GNL3L: variants seen among roughly 807,000 people sequenced by gnomAD.
GNL3L encodes the protein guanine nucleotide-binding protein-like 3-like protein.
In GNL3L, 4 loss-of-function variants were observed where a neutral mutation model predicts 42.9. That is an observed-to-expected ratio of 0.09 (90% CI 0.05 to 0.21). The LOEUF (loss-of-function observed/expected upper bound fraction) is 0.21, where lower values mean the gene tolerates loss of function less well. Ranked by LOEUF, GNL3L falls within the 10% of genes least tolerant of loss-of-function variation. The pLI, the probability that GNL3L is intolerant of heterozygous loss-of-function variation, is 1.00. For synonymous variants in GNL3L, 159 were observed against 176.3 expected (o/e 0.90, Z 0.78); for missense variants, 412 against 481.7 (o/e 0.86, Z 1.36).
At position 54,560,911 on chromosome X, in the gene GNL3L, G is replaced by A. The variant is rs1320715655; in HGVS notation, c.*309G>A. 1 of 145,715 alleles carries A rather than the reference G, an allele frequency of 6.9e-6. No individual in the cohort carries two copies. Among genetic ancestry groups the A allele is most frequent in the Non-Finnish European group, 1.3e-5 (1 of 74,802 alleles). 12.0% of individuals were successfully genotyped at this position (145,715 alleles called of 1,213,427 possible). A position where few individuals can be genotyped will look rare whatever the true frequency, so the allele number is the denominator to read the frequency against. On this transcript the variant is annotated 3_prime_UTR_variant, in exon 16 of 16. Transcript: ENST00000360845. ...CAAAAAAATTTAGCCGTGCTTAGTG[G>A]CACCTATAATCCCAGCTACTTGGGA... is the stretch of plus-strand genomic sequence containing the variant.
chrX:54,545,373 GT>G lies in GNL3L; in HGVS notation c.630+1059del, dbSNP rs201304612. Reference sequence around the variant, plus strand: ...AGCCAGGATTGTGGCTAAGTTTTGTGTTTTTTTTTTTTAGTAGAGATAGGGT... The same window carrying G: ...AGCCAGGATTGTGGCTAAGTTTTGTGTTTTTTTTTTTAGTAGAGATAGGGT... On this transcript the variant is annotated intron_variant, in intron 8 of 15. Transcript: ENST00000360845. Among the ~76,000 whole-genome samples, 305 of 98,201 alleles carry G rather than the reference GT, an allele frequency of 3.1e-3. 1 individual carries two copies. Among genetic ancestry groups the G allele is most frequent in the African/African-American group, 9.3e-3 (258 of 27,657 alleles). 85.3% of individuals were successfully genotyped at this position (98,201 alleles called of 115,157 possible). A position where few individuals can be genotyped will look rare whatever the true frequency, so the allele number is the denominator to read the frequency against.
At position 54,603,639 on chromosome X, in the gene GNL3L, C is replaced by T. The variant is rs181771065; in HGVS notation, c.*46-17206C>T. Among the ~76,000 whole-genome samples the T allele has an allele frequency of 2.5e-3, 273 of 111,358 alleles. 1 individual carries two copies. Among genetic ancestry groups the T allele is most frequent in the Middle Eastern group, 0.019 (4 of 215 alleles). On this transcript the variant is annotated intron_variant, in intron 16 of 16. Coordinates refer to the GNL3L transcript ENST00000674498. Reference sequence around the variant, plus strand: ...GGTACAACATCACTTTCATAGTATTCCTGCCAAACATGCTTAACCTGCATC... The same window carrying T: ...GGTACAACATCACTTTCATAGTATTTCTGCCAAACATGCTTAACCTGCATC...
At chrX:54,600,266 G>T (rs1925989579) in intron 16 of GNL3L, among the ~76,000 whole-genome samples, 2 of 73,962 alleles carry the variant, frequency 2.7e-5, no homozygotes, top group Non-Finnish European at 4.8e-5. Context: ...TGCCCTTGTT[G>T]CCCAGGCTGG....
intron 16 of GNL3L, among the ~76,000 whole-genome samples, chrX:54,601,073 G>A (rs1247129009): frequency 2.7e-5 from 3 of 111,792 alleles, no homozygotes; most frequent in African/African-American, 9.8e-5. Context: ...GATACATTAA[G>A]CTAAGTGAAA....
downstream of GNL3L, among the ~76,000 whole-genome samples, chrX:54,622,128 G>T (rs1926293276): frequency 9.1e-6 from 1 of 110,187 alleles, no homozygotes; most frequent in Non-Finnish European, 1.9e-5. Flanking sequence ...GTAGTGATTT[G>T]GTTTGGATTT....
At chrX:54,600,478 A>G (rs1252560252) in intron 16 of GNL3L, among the ~76,000 whole-genome samples, 2 of 109,339 alleles carry the variant, frequency 1.8e-5, no homozygotes, top group African/African-American at 6.6e-5. Context: ...TGCCTGCCTC[A>G]GCCTCCCAGA....
chrX:54,621,737 T>C (rs993191052), downstream of GNL3L, among the ~76,000 whole-genome samples: 15 of 109,868 alleles, frequency 1.4e-4, no homozygotes, highest in African/African-American at 5.0e-4. Flanking sequence ...ACCCAGGAGG[T>C]TGAGGCTGCA....
chrX:54,616,264 T>A (rs1157968421), intron 16 of GNL3L, among the ~76,000 whole-genome samples: 2 of 113,410 alleles, frequency 1.8e-5, no homozygotes, highest in African/African-American at 6.4e-5. Flanking sequence ...AAATATTTGT[T>A]CAGCATTTAT....
In GNL3L at chrX:54,587,349, A is replaced by G. The variant is rs760330671; in HGVS notation, c.*45+26702A>G. 1.3e-4 allele frequency among the ~76,000 whole-genome samples: 15 copies of G among 112,665 alleles called. No individual in the cohort carries two copies. In the East Asian group the frequency reaches 3.9e-3, roughly 29 times the overall value. On this transcript the variant is annotated intron_variant, in intron 16 of 16. Transcript: ENST00000674498. The stretch of plus-strand genomic sequence containing the variant: ...ATCTGTCCAATGCTAAGAATATGGC[A>G]TTGAATTTTCCTCCTATTTATTGTG...
At chrX:54,586,478 C>T (rs990162510) in intron 16 of GNL3L, among the ~76,000 whole-genome samples, 3 of 112,112 alleles carry the variant, frequency 2.7e-5, no homozygotes, top group Admixed American at 9.4e-5. Context: ...AGCAATCCTG[C>T]ACCCACTGCA....
chrX:54,580,296 G>A (rs1256074357), intron 16 of GNL3L, among the ~76,000 whole-genome samples: 2 of 107,336 alleles, frequency 1.9e-5, no homozygotes, highest in African/African-American at 3.4e-5. Context: ...ATGATTTCCA[G>A]TTTCATCCAT....
intron 16 of GNL3L, among the ~76,000 whole-genome samples, chrX:54,607,164 TC>T (rs1300165932): frequency 1.0e-5 from 1 of 96,703 alleles, no homozygotes; most frequent in East Asian, 3.2e-4. Context: ...TCTCTTTCTT[TC>T]TTTTTGTATA....
At chrX:54,553,112 A>C (rs148583443) in intron 13 of GNL3L, among the ~76,000 whole-genome samples, 50 of 112,553 alleles carry the variant, frequency 4.4e-4, no homozygotes, top group African/African-American at 1.4e-3. Flanking sequence ...TTAATAATGT[A>C]AAAGACATTT....
chrX:54,567,320 A>G (rs1186090114), downstream of GNL3L, among the ~76,000 whole-genome samples: 1 of 102,873 alleles, frequency 9.7e-6, no homozygotes, highest in Non-Finnish European at 2.0e-5. Flanking sequence ...TTTTTGTCTT[A>G]TTGTAGTCGC....
chrX:54,605,200 G>A (rs1926045479), intron 16 of GNL3L, among the ~76,000 whole-genome samples: 1 of 111,814 alleles, frequency 8.9e-6, no homozygotes, highest in Non-Finnish European at 1.9e-5. Context: ...ATTTCCATTT[G>A]CATACATAAA....
At chrX:54,535,211 T>C (rs1264018467) in intron 2 of GNL3L, among the ~76,000 whole-genome samples, 4 of 111,499 alleles carry the variant, frequency 3.6e-5, no homozygotes, top group African/African-American at 9.8e-5. Flanking sequence ...CTCCGCCTCC[T>C]GGGTTCAAGC....
rs771537320 is a variant in GNL3L, at chrX:54,563,481, C to G, written c.*2879C>G. ...TCAAACAGAACTAAAGTAGTCATGTCGGTAAGAATTTGGGACTGCAGGCCA... is the reference window on the plus strand; with the variant it reads ...TCAAACAGAACTAAAGTAGTCATGTGGGTAAGAATTTGGGACTGCAGGCCA... On this transcript the variant is annotated 3_prime_UTR_variant, in exon 16 of 16. Transcript: ENST00000360845. 9.0e-6 allele frequency among the ~76,000 whole-genome samples: 1 copy of G among 111,414 alleles called. No individual in the cohort carries two copies.
intron 2 of GNL3L, among the ~76,000 whole-genome samples, chrX:54,536,864 G>A (rs916725585): frequency 2.8e-5 from 3 of 108,823 alleles, no homozygotes; most frequent in African/African-American, 6.7e-5. Context: ...GGAAAGAAAG[G>A]AAAGAAAGAA....
chrX:54,615,032 C>T (rs1926205450), intron 16 of GNL3L, among the ~76,000 whole-genome samples: 2 of 111,769 alleles, frequency 1.8e-5, no homozygotes, highest in African/African-American at 6.5e-5. Flanking sequence ...ATTCTCATCA[C>T]CCCAAAAGAA....
Sources: gnomAD v4.1 joint callset for allele counts (sites outside exome capture counted in the v4.1 genomes callset) on GRCh38, gnomAD v4.1.1 for gene constraint, MANE v1.5 for transcripts, NCBI Gene and HGNC (gene_info 2026-07-23, HGNC 2026-07-21) for gene names.